Variants in UVRAG observed in about 807,000 individuals in gnomAD.
UVRAG encodes the protein UV radiation resistance-associated gene protein.
UVRAG carries 19 observed loss-of-function variants against 78.0 expected under a neutral mutation model. The ratio of observed to expected loss-of-function variants is 0.24; its 90% CI spans 0.17 to 0.36. UVRAG has a LOEUF of 0.36. Ranked by LOEUF, UVRAG falls within the 10% of genes least tolerant of loss-of-function variation. The pLI, the probability that UVRAG is intolerant of heterozygous loss-of-function variation, is 1.00. For synonymous variants in UVRAG, 323 were observed against 324.6 expected (o/e 1.00, Z 0.05); for missense variants, 740 against 853.8 (o/e 0.87, Z 1.66).
At position 76,141,312 on chromosome 11, in the gene UVRAG, G is replaced by A. The variant is rs138436357; in HGVS notation, c.1999G>A (p.Glu667Lys). 5.9e-5 allele frequency: 96 copies of A among 1,614,078 alleles called. No homozygotes were observed. Among genetic ancestry groups the A allele is most frequent in the Non-Finnish European group, 8.1e-5 (95 of 1,180,044 alleles). ...CAGTGCTGTGGCAGTAGAGTGTGAC[G>A]AACAAGTTCTGGGAGAATTTGAAGA... Reference protein sequence around the residue: ...VDSAVAVECDEQVLGEFEEFS... With the variant: ...VDSAVAVECDKQVLGEFEEFS... Residue 667 changes from glutamate to lysine, a missense_variant, in exon 15 of 15, where the codon GAA (glutamate) becomes AAA (lysine). Physicochemically the swap from Glu to Lys is moderately conservative, Grantham distance 56. Transcript: ENST00000356136.
At chr11:75,823,127 C>G (rs1029641427) in intron 1 of UVRAG, among the ~76,000 whole-genome samples, 1 of 152,090 alleles carries the variant, frequency 6.6e-6, no homozygotes, top group Non-Finnish European at 1.5e-5. Context: ...CCTATGGCAC[C>G]CAGGGAATGA....
intron 2 of UVRAG, among the ~76,000 whole-genome samples, chr11:75,852,373 G>GT (rs1565345950): frequency 6.6e-6 from 1 of 151,912 alleles, no homozygotes; most frequent in Non-Finnish European, 1.5e-5. Flanking sequence ...ATATCTTCTC[G>GT]TATCTGTAAT....
At chr11:75,906,379 C>CT (rs1293599185) in intron 5 of UVRAG, among the ~76,000 whole-genome samples, 6 of 150,424 alleles carry the variant, frequency 4.0e-5, no homozygotes, top group Non-Finnish European at 7.4e-5. Flanking sequence ...TAGAGTCTCA[C>CT]TCTGTTGCCC....
chr11:76,048,398 C>G (rs553768393), intron 12 of UVRAG, among the ~76,000 whole-genome samples: 1 of 152,134 alleles, frequency 6.6e-6, no homozygotes, highest in Non-Finnish European at 1.5e-5. Flanking sequence ...AATGAGATTT[C>G]GATGACTTGT....
chr11:75,981,564 C>T (rs1949394364), intron 7 of UVRAG, among the ~76,000 whole-genome samples: 2 of 152,074 alleles, frequency 1.3e-5, no homozygotes, highest in South Asian at 4.1e-4. Context: ...AATCCTCCTG[C>T]CTCAGCCACT....
chr11:76,051,136 G>T (rs1219819812), intron 12 of UVRAG, among the ~76,000 whole-genome samples: 3 of 152,142 alleles, frequency 2.0e-5, no homozygotes, highest in Admixed American at 2.0e-4. Context: ...GTGAAGTGTT[G>T]TCTTTAGATA....
chr11:76,129,651 TC>T (rs1346355916), intron 14 of UVRAG, among the ~76,000 whole-genome samples: 8 of 152,202 alleles, frequency 5.3e-5, no homozygotes, highest in African/African-American at 1.9e-4. Flanking sequence ...CCTTTGTTCC[TC>T]CTTTTCTTCC....
rs191414575 is a variant in UVRAG at position 75,904,289 on chromosome 11, G to T, written c.508-7665G>T. ...ACTCACCCAGACTTGTTACTATTCT[G>T]TTCCTTGAAGAATTGTTAGGCCTGA... On this transcript the variant is annotated intron_variant, in intron 5 of 14. Transcript: ENST00000356136. Among the ~76,000 whole-genome samples the T allele has an allele frequency of 1.9e-4, 29 of 152,296 alleles. No homozygotes were observed. In the East Asian group the frequency reaches 5.2e-3, roughly 27 times the overall value.
At chr11:76,043,913 G>A (rs1165061597) in intron 12 of UVRAG, among the ~76,000 whole-genome samples, 2 of 152,196 alleles carry the variant, frequency 1.3e-5, no homozygotes, top group Non-Finnish European at 2.9e-5. Flanking sequence ...TTCAGTATGG[G>A]GAATAGTGTC....
chr11:75,853,563 G>A (rs1197204541), intron 2 of UVRAG, among the ~76,000 whole-genome samples: 1 of 151,972 alleles, frequency 6.6e-6, no homozygotes, highest in Non-Finnish European at 1.5e-5. Flanking sequence ...GTTTCACCAT[G>A]TTGGCCAGGC....
rs187455092 is a variant in UVRAG, at chr11:75,974,847, A to G, written c.700-8540A>G. Among the ~76,000 whole-genome samples the G allele has an allele frequency of 1.7e-3, 259 of 152,212 alleles. 2 individuals carry two copies. Among genetic ancestry groups the G allele is most frequent in the African/African-American group, 6.0e-3 (250 of 41,512 alleles). ...TAGGTTGCCTGTTCACTCTGATGGT[A>G]GTTTCTTTTGCTGCGTAGAAGCTCT... On this transcript the variant is annotated intron_variant, in intron 7 of 14. Transcript: ENST00000356136.
At chr11:75,946,460 T>C (rs1437221750) in intron 6 of UVRAG, among the ~76,000 whole-genome samples, 1 of 152,246 alleles carries the variant, frequency 6.6e-6, no homozygotes. Flanking sequence ...ACAAATTTAG[T>C]GGCTTAAAAT....
At position 76,088,552 on chromosome 11, in the gene UVRAG, A is replaced by C. The variant is rs148008310; in HGVS notation, c.1305+22764A>C. Among the ~76,000 whole-genome samples the C allele has an allele frequency of 3.7e-3, 515 of 139,074 alleles. 3 individuals carry two copies. Among genetic ancestry groups the C allele is most frequent in the African/African-American group, 0.014 (506 of 36,836 alleles). The allele number at this position is 139,074 out of a possible 152,430, so 91.2% of individuals were successfully genotyped here. The stretch of plus-strand genomic sequence containing the variant: ...GCATGGCAAAGTCTTCACATGATCT[A>C]TCTGTCTTCTCTCTCACGTTTCAGC... On this transcript the variant is annotated intron_variant, in intron 13 of 14. Coordinates refer to ENST00000356136, the MANE Select transcript of UVRAG (RefSeq NM_003369.4).
At chr11:75,898,345 C>T (rs995614976) in intron 5 of UVRAG, among the ~76,000 whole-genome samples, 46 of 152,258 alleles carry the variant, frequency 3.0e-4, no homozygotes, top group African/African-American at 1.0e-3. Flanking sequence ...ATGAATTGCC[C>T]CTTTCTCTTT....
intron 13 of UVRAG, among the ~76,000 whole-genome samples, chr11:76,114,879 C>G (rs1952147827): frequency 6.6e-6 from 1 of 152,184 alleles, no homozygotes; most frequent in Non-Finnish European, 1.5e-5. Flanking sequence ...TTGACTTAGC[C>G]ACTCTTAAAT....
chr11:76,071,076 G>T (rs1208456980), intron 13 of UVRAG, among the ~76,000 whole-genome samples: 9 of 152,198 alleles, frequency 5.9e-5, no homozygotes, highest in African/African-American at 2.2e-4. Context: ...AAAGATCCCT[G>T]TCTCGTTAAG....
chr11:75,943,622 T>G (rs149982248), intron 6 of UVRAG, among the ~76,000 whole-genome samples: 1 of 152,194 alleles, frequency 6.6e-6, no homozygotes, highest in Non-Finnish European at 1.5e-5. Context: ...GTTCTATAAC[T>G]GTCGCTTCAT....
intron 1 of UVRAG, among the ~76,000 whole-genome samples, chr11:75,825,177 C>T (rs1945485908): frequency 6.6e-6 from 1 of 151,480 alleles, no homozygotes; most frequent in South Asian, 2.1e-4. Flanking sequence ...GGCACGATCT[C>T]AGCTCACTGC....
At chr11:76,103,458 A>T (rs1951914150) in intron 13 of UVRAG, among the ~76,000 whole-genome samples, 1 of 151,956 alleles carries the variant, frequency 6.6e-6, no homozygotes, top group African/African-American at 2.4e-5. Flanking sequence ...TGTTAAATGA[A>T]TTGTGAGACA....
Sources: allele counts gnomAD v4.1 joint callset (sites outside exome capture counted in the v4.1 genomes callset), GRCh38; gene constraint gnomAD v4.1.1; transcripts MANE v1.5; gene names NCBI Gene and HGNC (gene_info 2026-07-23, HGNC 2026-07-21).